The following TAFA2 variants were observed in gnomAD, a reference collection of about 807,000 sequenced individuals.
TAFA2 encodes chemokine-like protein TAFA-2.
Under a neutral mutation model 18.8 loss-of-function variants are expected in TAFA2, and 7 were observed. The observed-to-expected ratio is 0.37, with a 90% CI of 0.21 to 0.70. The LOEUF is 0.70. TAFA2 is among the 30% of genes least tolerant of loss of function. The probability of loss-of-function intolerance (pLI) is 0.53; values close to 1 mark genes in which losing one functional copy is unlikely to be tolerated. For synonymous variants in TAFA2, 60 were observed against 54.2 expected, an observed-to-expected ratio of 1.11 and a Z score of -0.47; for missense variants, 122 against 158.1, an observed-to-expected ratio of 0.77 and a Z score of 1.23.
chr12:62,135,587 A>G (rs1168621550), intron 1 of TAFA2, among the ~76,000 whole-genome samples: 2 of 152,068 alleles, frequency 1.3e-5, no homozygotes, highest in African/African-American at 2.4e-5. Flanking sequence ...TTAGAAAAAA[A>G]CAGGTAATAA....
At chr12:62,040,670 A>T (rs1881732948) in intron 1 of TAFA2, among the ~76,000 whole-genome samples, 1 of 152,096 alleles carries the variant, frequency 6.6e-6, no homozygotes, top group Non-Finnish European at 1.5e-5. Context: ...GTAACAACAC[A>T]TTTCTGTTAT....
At chr12:61,750,163 A>G (rs1868944157) in intron 4 of TAFA2, among the ~76,000 whole-genome samples, 1 of 152,118 alleles carries the variant, frequency 6.6e-6, no homozygotes, top group South Asian at 2.1e-4. Flanking sequence ...CACTGGAAAG[A>G]TGATTCTTTT....
intron 2 of TAFA2, among the ~76,000 whole-genome samples, chr12:61,828,661 T>A (rs867904372): frequency 2.6e-5 from 4 of 151,768 alleles, no homozygotes; most frequent in Middle Eastern, 3.2e-3. Context: ...GGAGAAAAAA[T>A]TTATTTACAT....
intron 1 of TAFA2, chr12:62,235,074 C>G (rs2062830615): frequency 6.4e-6 from 4 of 622,548 alleles, no homozygotes; most frequent in Admixed American, 1.9e-5. Context: ...GACTGGCAGC[C>G]TGAAGGCCCT....
chr12:62,015,988 TA>T (rs1293022558), intron 1 of TAFA2, among the ~76,000 whole-genome samples: 1 of 152,192 alleles, frequency 6.6e-6, no homozygotes, highest in African/African-American at 2.4e-5. Context: ...TGCACAACGT[TA>T]ATAGATGTAA....
At chr12:61,864,965 T>G (rs964711940) in intron 2 of TAFA2, among the ~76,000 whole-genome samples, 1 of 152,104 alleles carries the variant, frequency 6.6e-6, no homozygotes, top group African/African-American at 2.4e-5. Flanking sequence ...GAAAGTGAAC[T>G]GGCCTGCCTT....
chr12:62,251,976 A>T (rs1036573057), intron 1 of TAFA2: 4 of 152,258 alleles, frequency 2.6e-5, no homozygotes, highest in African/African-American at 9.6e-5. Context: ...TTATTTTTGC[A>T]AAAGTTTTTG....
At chr12:62,103,873 C>T (rs1476663477) in intron 1 of TAFA2, among the ~76,000 whole-genome samples, 1 of 152,154 alleles carries the variant, frequency 6.6e-6, no homozygotes, top group Non-Finnish European at 1.5e-5. Context: ...AGGCATTGCT[C>T]AGACTCAGAG....
intron 2 of TAFA2, among the ~76,000 whole-genome samples, chr12:61,780,609 A>G (rs1233649387): frequency 1.3e-5 from 2 of 151,574 alleles, no homozygotes; most frequent in Admixed American, 6.6e-5. Flanking sequence ...TAATCAAGAA[A>G]GACAGGGCCC....
chr12:61,924,861 C>T (rs1877210408), intron 1 of TAFA2, among the ~76,000 whole-genome samples: 1 of 152,142 alleles, frequency 6.6e-6, no homozygotes, highest in East Asian at 1.9e-4. Context: ...TGCAAAGACA[C>T]ACATAGGCTC....
At chr12:62,178,135 A>C (rs1387054180) in intron 1 of TAFA2, among the ~76,000 whole-genome samples, 1 of 152,102 alleles carries the variant, frequency 6.6e-6, no homozygotes, top group Non-Finnish European at 1.5e-5. Context: ...CCCCATCTCT[A>C]TAAAAAATTG....
At chr12:62,239,926 T>C (rs1468406658) in intron 1 of TAFA2, among the ~76,000 whole-genome samples, 1 of 152,124 alleles carries the variant, frequency 6.6e-6, no homozygotes, top group Non-Finnish European at 1.5e-5. Flanking sequence ...AGTGGGTTGT[T>C]ACGCAGAAAA....
intron 1 of TAFA2, among the ~76,000 whole-genome samples, chr12:62,071,561 G>A (rs1048776445): frequency 5.9e-5 from 9 of 152,096 alleles, no homozygotes; most frequent in African/African-American, 1.9e-4. Context: ...GGGCAACATA[G>A]GGTGACTCTG....
chr12:61,750,846 C>T (rs987153300), intron 4 of TAFA2, among the ~76,000 whole-genome samples: 1 of 152,066 alleles, frequency 6.6e-6, no homozygotes, highest in Non-Finnish European at 1.5e-5. Flanking sequence ...ATAAGCAAAG[C>T]AAATAGCTTT....
intron 2 of TAFA2, among the ~76,000 whole-genome samples, chr12:61,790,069 A>C (rs540145438): frequency 3.0e-4 from 46 of 152,012 alleles, no homozygotes; most frequent in African/African-American, 1.0e-3. Context: ...AACATACAAA[A>C]ATCCAATAAA....
intron 1 of TAFA2, among the ~76,000 whole-genome samples, chr12:61,941,938 G>A (rs1476345167): frequency 6.6e-6 from 1 of 152,064 alleles, no homozygotes; most frequent in Non-Finnish European, 1.5e-5. Context: ...GCTCAAACTG[G>A]GTGGAGCCCA....
At chr12:61,925,497 A>G (rs1877250137) in intron 1 of TAFA2, among the ~76,000 whole-genome samples, 1 of 152,236 alleles carries the variant, frequency 6.6e-6, no homozygotes, top group South Asian at 2.1e-4. Context: ...CTGGGTAAAT[A>G]ATGAAATTAA....
chr12:61,789,588 G>A (rs2120920896), intron 2 of TAFA2, among the ~76,000 whole-genome samples: 1 of 151,904 alleles, frequency 6.6e-6, no homozygotes, highest in African/African-American at 2.4e-5. Context: ...AATACCTAAT[G>A]TAGATAATGG....
chr12:61,947,949 C>T (rs1878336975), intron 1 of TAFA2, among the ~76,000 whole-genome samples: 1 of 152,008 alleles, frequency 6.6e-6, no homozygotes, highest in Non-Finnish European at 1.5e-5. Flanking sequence ...TATGGAAACT[C>T]CCATTTATCA....
Sources: allele counts gnomAD v4.1 joint callset (sites outside exome capture counted in the v4.1 genomes callset), GRCh38; gene constraint gnomAD v4.1.1; transcripts MANE v1.5; gene names NCBI Gene and HGNC (gene_info 2026-07-23, HGNC 2026-07-21).